Variants in STAT1 observed in about 807,000 individuals in gnomAD.
STAT1 encodes the protein signal transducer and activator of transcription 1, also known as signal transducer and activator of transcription 1-alpha/beta.
In STAT1, 24 loss-of-function variants were observed where a neutral mutation model predicts 111.7. The observed-to-expected ratio is 0.21, with a 90% CI of 0.16 to 0.30. STAT1 has a LOEUF of 0.30. STAT1 is among the 10% of genes least tolerant of loss of function. The probability of loss-of-function intolerance (pLI) is 1.00; values close to 1 mark genes in which losing one functional copy is unlikely to be tolerated. For synonymous variants in STAT1, 332 were observed against 326.5 expected, an observed-to-expected ratio of 1.02 and a Z score of -0.18; for missense variants, 351 against 911.9, an observed-to-expected ratio of 0.38 and a Z score of 7.92.
rs1693987181 is a variant in STAT1, at chr2:190,998,100, T to C, written c.634-93A>G. On this transcript the variant is annotated intron_variant, in intron 8 of 24. Transcript: ENST00000361099. This position sits in a 1 kb window ranked among gnomAD's most constrained non-coding sequence, Gnocchi z 4.1. Reference sequence around the variant, plus strand: ...TAAAAGAAAAGCAAATATCATTTCATTCTCAACTGGGGCTCTAAGCCAGGT... The same window carrying C: ...TAAAAGAAAAGCAAATATCATTTCACTCTCAACTGGGGCTCTAAGCCAGGT... 2 of 1,568,632 alleles carry C rather than the reference T, an allele frequency of 1.3e-6. No homozygotes were observed. Among genetic ancestry groups the C allele is most frequent in the South Asian group, 2.3e-5 (2 of 88,668 alleles).
chr2:190,984,301 A>C lies in STAT1; in HGVS notation c.1347+9T>G. 1 of 1,609,232 alleles carries C rather than the reference A, an allele frequency of 6.2e-7. No individual in the cohort carries two copies. The highest frequency in any genetic ancestry group is 1.1e-5 in the South Asian group (1 of 90,978). Reference sequence around the variant, plus strand: ...GAAGTTTTCCAACTCGGGACCATAAAAGTCTTACCTCGAGGTCAATTACCA... The same window carrying C: ...GAAGTTTTCCAACTCGGGACCATAACAGTCTTACCTCGAGGTCAATTACCA... On this transcript the variant is annotated intron_variant, in intron 16 of 24. Coordinates refer to ENST00000361099, the MANE Select transcript of STAT1 (RefSeq NM_007315.4). The surrounding 1 kb of genome is among the most constrained non-coding windows in gnomAD (Gnocchi z 5.2).
chr2:190,990,875 G>T lies in STAT1; in HGVS notation c.1037+353C>A, dbSNP rs960390532. 6.6e-6 allele frequency among the ~76,000 whole-genome samples: 1 copy of T among 152,132 alleles called. No homozygotes were observed. Among genetic ancestry groups the T allele is most frequent in the Admixed American group, 6.5e-5 (1 of 15,274 alleles). ...AATCCACATTCATACAGCTTCTGGGGTTCATAAGGCTCAGGTTATGAGCCT... is the reference window on the plus strand; with the variant it reads ...AATCCACATTCATACAGCTTCTGGGTTTCATAAGGCTCAGGTTATGAGCCT... On this transcript the variant is annotated intron_variant, in intron 11 of 24. Coordinates refer to ENST00000361099, the MANE Select transcript of STAT1 (RefSeq NM_007315.4). This position sits in a 1 kb window ranked among gnomAD's most constrained non-coding sequence, Gnocchi z 5.1.
rs777078754 is a variant in STAT1 at position 190,986,872 on chromosome 2, C to T, written c.1203G>A (p.Ala401=). 21 of 1,614,208 alleles carry T rather than the reference C, an allele frequency of 1.3e-5. No homozygotes were observed. The highest frequency in any genetic ancestry group is 1.3e-5 in the Non-Finnish European group (15 of 1,180,048). The part of the protein sequence containing the change: ...NMEESTNGSL[A]AEFRHLQLKE... The stretch of plus-strand genomic sequence containing the variant: ...TCCCTACCAGGTGCCGAAATTCAGC[C>T]GCCAGACTGCCATTGGTGGACTCCT... The change falls in exon 14 of 25, where the codon GCG becomes GCA. Residue 401 remains alanine, a synonymous_variant. Transcript: ENST00000361099. This position sits in a 1 kb window ranked among gnomAD's most constrained non-coding sequence, Gnocchi z 5.0.
In STAT1 at chr2:190,978,758, T is replaced by C; in HGVS notation, c.1873+98A>G. 2 of 1,496,864 alleles carry C rather than the reference T, an allele frequency of 1.3e-6. No homozygotes were observed. Among genetic ancestry groups the C allele is most frequent in the South Asian group, 1.2e-5 (1 of 83,372 alleles). 92.7% of individuals were successfully genotyped at this position (1,496,864 alleles called of 1,614,324 possible). Reference sequence around the variant, plus strand: ...GGTAAGTATAAGATCTGCAATTTCATGTCCCAAACGCACTATCTGTATGAG... The same window carrying C: ...GGTAAGTATAAGATCTGCAATTTCACGTCCCAAACGCACTATCTGTATGAG... On this transcript the variant is annotated intron_variant, in intron 21 of 24. Transcript: ENST00000361099. The surrounding 1 kb of genome is among the most constrained non-coding windows in gnomAD (Gnocchi z 6.1).
rs1185449802 is a variant in STAT1, at chr2:190,993,215, T to C, written c.944+1846A>G. On this transcript the variant is annotated intron_variant, in intron 10 of 24. Transcript: ENST00000361099. The surrounding 1 kb of genome is among the most constrained non-coding windows in gnomAD (Gnocchi z 4.1). Reference sequence around the variant, plus strand: ...ACACTTGTTCCCTACCAACAATTTGTTGACGTTTTCACTGGGATAATGATC... The same window carrying C: ...ACACTTGTTCCCTACCAACAATTTGCTGACGTTTTCACTGGGATAATGATC... The C allele has an allele frequency of 4.8e-5, 27 of 561,638 alleles. No homozygotes were observed. The East Asian group carries it at 6.1e-4, about 13-fold the overall frequency. 34.8% of individuals were successfully genotyped at this position (561,638 alleles called of 1,614,324 possible).
intron 12 of STAT1, among the ~76,000 whole-genome samples, chr2:190,988,108 T>C (rs1693013801): frequency 6.6e-6 from 1 of 152,180 alleles, no homozygotes; most frequent in African/African-American, 2.4e-5. Flanking sequence ...TTGATTTGCT[T>C]TTAGCAACAG....
Position 190,975,774 on chromosome 2 carries a change from G to A in STAT1, c.2135+38C>T. ...CCCCAGCCAGGAGCAAGGCTGGCTT[G>A]AGGTTTGTAAACATGTCACTCTTCT... On this transcript the variant is annotated intron_variant, in intron 23 of 24. Coordinates refer to ENST00000361099, the MANE Select transcript of STAT1 (RefSeq NM_007315.4). The surrounding 1 kb of genome is among the most constrained non-coding windows in gnomAD (Gnocchi z 5.9). The A allele has an allele frequency of 6.2e-7, 1 of 1,613,720 alleles. No individual in the cohort carries two copies. The highest frequency in any genetic ancestry group is 1.1e-5 in the South Asian group (1 of 90,986).
chr2:190,982,243 TA>T lies in STAT1; in HGVS notation c.1582+139del. The T allele has an allele frequency of 1.0e-6, 1 of 954,228 alleles. No homozygotes were observed. Among genetic ancestry groups the T allele is most frequent in the Non-Finnish European group, 1.7e-6 (1 of 605,254 alleles). 59.1% of individuals were successfully genotyped at this position (954,228 alleles called of 1,614,324 possible). On this transcript the variant is annotated intron_variant, in intron 18 of 24. Transcript: ENST00000361099. This position sits in a 1 kb window ranked among gnomAD's most constrained non-coding sequence, Gnocchi z 7.3. ...GTGACATATGATTCTCACTTAGCTA[TA>T]ATAAACTATAGCTTGAAAAGCTGAC... is the stretch of plus-strand genomic sequence containing the variant.
intron 5 of STAT1, among the ~76,000 whole-genome samples, chr2:191,002,691 C>T (rs1375550792): frequency 6.6e-6 from 1 of 152,108 alleles, no homozygotes; most frequent in Non-Finnish European, 1.5e-5. Context: ...CAATACGATG[C>T]TAAATAGCAG....
Position 191,007,192 on chromosome 2 carries a change from G to C in STAT1, c.372+371C>G, listed in dbSNP as rs1694771236. Among the ~76,000 whole-genome samples, 1 of 152,132 alleles carries C rather than the reference G, an allele frequency of 6.6e-6. No individual in the cohort carries two copies. Among genetic ancestry groups the C allele is most frequent in the African/African-American group, 2.4e-5 (1 of 41,440 alleles). The stretch of plus-strand genomic sequence containing the variant: ...TCCACTGCCTCTACCTTGGACAGCT[G>C]CAAGAACCCTCTATCTGCCTGCTTC... On this transcript the variant is annotated intron_variant, in intron 5 of 24. Transcript: ENST00000361099. This position sits in a 1 kb window ranked among gnomAD's most constrained non-coding sequence, Gnocchi z 4.2.
At chr2:191,013,241 G>A (rs1695279153) in intron 2 of STAT1, among the ~76,000 whole-genome samples, 2 of 152,188 alleles carry the variant, frequency 1.3e-5, no homozygotes, top group South Asian at 4.1e-4. Flanking sequence ...GACTGTGCTG[G>A]AGGCTCAAGT....
chr2:190,992,731 T>C, intron 10 of STAT1: 1 of 1,058,130 alleles, frequency 9.5e-7, no homozygotes, highest in Admixed American at 2.9e-5. Context: ...CCAGGACCCA[T>C]TAGCTTCTTA....
In STAT1 at chr2:190,975,303, T is replaced by G; in HGVS notation, c.2136-371A>C. 2.1e-6 allele frequency: 1 copy of G among 478,990 alleles called. No homozygotes were observed. 29.7% of individuals were successfully genotyped at this position (478,990 alleles called of 1,614,324 possible). A position where few individuals can be genotyped will look rare whatever the true frequency, so the allele number is the denominator to read the frequency against. Reference sequence around the variant, plus strand: ...AGAGAAATGTCTGGGGAGTCCCTCATCCCTACCTTGAGGTTTGAATGCAGA... The same window carrying G: ...AGAGAAATGTCTGGGGAGTCCCTCAGCCCTACCTTGAGGTTTGAATGCAGA... On this transcript the variant is annotated intron_variant, in intron 23 of 24. Transcript: ENST00000361099. This position sits in a 1 kb window ranked among gnomAD's most constrained non-coding sequence, Gnocchi z 5.9.
At position 191,004,394 on chromosome 2, in the gene STAT1, A is replaced by G. The variant is rs1346226752; in HGVS notation, c.372+3169T>C. Among the ~76,000 whole-genome samples, 1 of 152,202 alleles carries G rather than the reference A, an allele frequency of 6.6e-6. No homozygotes were observed. Among genetic ancestry groups the G allele is most frequent in the Admixed American group, 6.5e-5 (1 of 15,284 alleles). On this transcript the variant is annotated intron_variant, in intron 5 of 24. Coordinates refer to ENST00000361099, the MANE Select transcript of STAT1 (RefSeq NM_007315.4). The surrounding 1 kb of genome is among the most constrained non-coding windows in gnomAD (Gnocchi z 5.0). ...GGAACTTGGTTACTCCAGACCCCAG[A>G]GCAAAGAAAAGTCTTCTGCTCAGGA...
rs1693986996 is a variant in STAT1, at chr2:190,998,099, A to C, written c.634-92T>G. The C allele has an allele frequency of 2.0e-5, 31 of 1,568,458 alleles. No homozygotes were observed. Among genetic ancestry groups the C allele is most frequent in the Non-Finnish European group, 2.5e-5 (29 of 1,146,316 alleles). On this transcript the variant is annotated intron_variant, in intron 8 of 24. Coordinates refer to ENST00000361099, the MANE Select transcript of STAT1 (RefSeq NM_007315.4). This position sits in a 1 kb window ranked among gnomAD's most constrained non-coding sequence, Gnocchi z 4.1. Reference sequence around the variant, plus strand: ...TTAAAAGAAAAGCAAATATCATTTCATTCTCAACTGGGGCTCTAAGCCAGG... The same window carrying C: ...TTAAAAGAAAAGCAAATATCATTTCCTTCTCAACTGGGGCTCTAAGCCAGG...
At chr2:190,972,816 GGTGTGTGTGTGTGTGT>G (rs34975356) in intron 24 of STAT1, among the ~76,000 whole-genome samples, 255 of 136,420 alleles carry the variant, frequency 1.9e-3, no homozygotes, top group Middle Eastern at 7.1e-3. Flanking sequence ...GTGTATAGAG[GGTGTGTGTGTGTGTGT>G]GTGTGTGTGT....
rs377454574 is a variant in STAT1, at chr2:191,012,325, G to A, written c.-2+1200C>T. 7.9e-5 allele frequency among the ~76,000 whole-genome samples: 12 copies of A among 151,816 alleles called. No homozygotes were observed. Among genetic ancestry groups the A allele is most frequent in the African/African-American group, 2.7e-4 (11 of 41,308 alleles). ...CAACTACTCGTGAGGCTGAGGCAGG[G>A]GAATTGCTTGAACCCAGGAGGCGGA... is the stretch of plus-strand genomic sequence containing the variant. On this transcript the variant is annotated intron_variant, in intron 2 of 24. Coordinates refer to ENST00000361099, the MANE Select transcript of STAT1 (RefSeq NM_007315.4). This position sits in a 1 kb window ranked among gnomAD's most constrained non-coding sequence, Gnocchi z 4.0.
In STAT1 at chr2:191,012,381, A is replaced by C. The variant is rs1329067358; in HGVS notation, c.-2+1144T>G. Among the ~76,000 whole-genome samples, 1 of 151,180 alleles carries C rather than the reference A, an allele frequency of 6.6e-6. No individual in the cohort carries two copies. The highest frequency in any genetic ancestry group is 1.5e-5 in the Non-Finnish European group (1 of 67,814). On this transcript the variant is annotated intron_variant, in intron 2 of 24. Coordinates refer to ENST00000361099, the MANE Select transcript of STAT1 (RefSeq NM_007315.4). This position sits in a 1 kb window ranked among gnomAD's most constrained non-coding sequence, Gnocchi z 4.0. ...CAGTGAGCTGAGATCGCGCCACTGTACTCCAGCCTGGGAGACAGAGAGAGA... is the reference window on the plus strand; with the variant it reads ...CAGTGAGCTGAGATCGCGCCACTGTCCTCCAGCCTGGGAGACAGAGAGAGA...
chr2:191,009,456 T>C (rs1285172606), intron 3 of STAT1, among the ~76,000 whole-genome samples: 3 of 151,634 alleles, frequency 2.0e-5, no homozygotes, highest in Admixed American at 6.6e-5. Context: ...GTAGAACACC[T>C]ATCAGTTAAA....
Sources: allele counts gnomAD v4.1 joint callset (sites outside exome capture counted in the v4.1 genomes callset), GRCh38; gene constraint gnomAD v4.1.1; non-coding constraint Gnocchi (gnomAD v3.1); transcripts MANE v1.5; gene names NCBI Gene and HGNC (gene_info 2026-07-23, HGNC 2026-07-21).